FBXL17: variants seen among roughly 807,000 people sequenced by gnomAD.
The protein encoded by FBXL17 is F-box/LRR-repeat protein 17.
FBXL17 carries 22 observed loss-of-function variants against 66.2 expected under a neutral mutation model. The ratio of observed to expected loss-of-function variants is 0.33; its 90% CI spans 0.24 to 0.47. The LOEUF is 0.47. FBXL17 is among the 20% of genes least tolerant of loss of function. FBXL17 has a pLI of 1.00. For missense variants in FBXL17, 878 were observed against 948.2 expected, an observed-to-expected ratio of 0.93 and a Z score of 0.97; for synonymous variants, 474 against 400.5, an observed-to-expected ratio of 1.18 and a Z score of -2.19.
At chr5:108,178,297 C>T (rs1191907240) in intron 6 of FBXL17, among the ~76,000 whole-genome samples, 3 of 152,096 alleles carry the variant, frequency 2.0e-5, no homozygotes. Context: ...GTCCACCCTC[C>T]TTGGCCTCCC....
At chr5:107,915,187 G>A (rs1314038490) in intron 7 of FBXL17, among the ~76,000 whole-genome samples, 1 of 152,062 alleles carries the variant, frequency 6.6e-6, no homozygotes, top group Non-Finnish European at 1.5e-5. Context: ...ATGGAATCTG[G>A]AGAGGGATGT....
At chr5:108,126,749 C>T (rs1338586747) in intron 6 of FBXL17, among the ~76,000 whole-genome samples, 2 of 150,214 alleles carry the variant, frequency 1.3e-5, no homozygotes, top group Non-Finnish European at 3.0e-5. Flanking sequence ...GATGACAAAG[C>T]TCACTGACTT....
At chr5:107,975,385 G>C (rs1752537014) in intron 7 of FBXL17, among the ~76,000 whole-genome samples, 1 of 152,152 alleles carries the variant, frequency 6.6e-6, no homozygotes, top group East Asian at 1.9e-4. Context: ...CTAGGATTAA[G>C]TCCAAGGGCA....
intron 7 of FBXL17, among the ~76,000 whole-genome samples, chr5:107,922,700 A>C (rs1020430948): frequency 6.6e-6 from 1 of 152,326 alleles, no homozygotes; most frequent in East Asian, 1.9e-4. Flanking sequence ...GGAATCCTAA[A>C]GCCCGGCTAC....
chr5:108,207,148 C>T (rs1479129840), intron 5 of FBXL17, among the ~76,000 whole-genome samples: 1 of 152,002 alleles, frequency 6.6e-6, no homozygotes, highest in Non-Finnish European at 1.5e-5. Flanking sequence ...TCTCCCCGAC[C>T]CCCTCAAAAT....
chr5:107,899,029 A>C (rs1299752807), intron 7 of FBXL17, among the ~76,000 whole-genome samples: 1 of 152,162 alleles, frequency 6.6e-6, no homozygotes, highest in Non-Finnish European at 1.5e-5. Flanking sequence ...TAGATCTTTG[A>C]GGAATTGCCA....
At chr5:108,137,757 T>C (rs1449163457) in intron 6 of FBXL17, among the ~76,000 whole-genome samples, 1 of 152,198 alleles carries the variant, frequency 6.6e-6, no homozygotes, top group African/African-American at 2.4e-5. Flanking sequence ...CAGGACCACC[T>C]ACACATTTAT....
At chr5:108,000,281 C>T (rs116170372) in intron 7 of FBXL17, among the ~76,000 whole-genome samples, 1,873 of 152,258 alleles carry the variant, frequency 0.012, 42 homozygotes, top group African/African-American at 0.04. Flanking sequence ...GCTTCTTATA[C>T]GCATACTGCT....
At chr5:108,051,937 T>C (rs1747491254) in intron 6 of FBXL17, among the ~76,000 whole-genome samples, 1 of 151,760 alleles carries the variant, frequency 6.6e-6, no homozygotes, top group African/African-American at 2.4e-5. Context: ...GGTGAAACCC[T>C]GTCTCTTCTA....
chr5:108,147,244 A>C (rs1751596142), intron 6 of FBXL17, among the ~76,000 whole-genome samples: 1 of 152,246 alleles, frequency 6.6e-6, no homozygotes, highest in Non-Finnish European at 1.5e-5. Flanking sequence ...CATAAACTCG[A>C]AGCAGAAAAA....
chr5:108,243,164 G>A (rs1337985961), intron 4 of FBXL17, among the ~76,000 whole-genome samples: 1 of 152,160 alleles, frequency 6.6e-6, no homozygotes, highest in Non-Finnish European at 1.5e-5. Context: ...AAAGTATTGT[G>A]AAAGAGAAAG....
At chr5:108,175,846 A>C (rs1395841467) in intron 6 of FBXL17, among the ~76,000 whole-genome samples, 1 of 152,226 alleles carries the variant, frequency 6.6e-6, no homozygotes, top group Admixed American at 6.5e-5. Flanking sequence ...TTTAGGCTGA[A>C]GCAAAATCCC....
At chr5:108,277,260 T>A (rs966419748) in intron 4 of FBXL17, among the ~76,000 whole-genome samples, 3 of 152,188 alleles carry the variant, frequency 2.0e-5, no homozygotes, top group African/African-American at 7.2e-5. Context: ...GTTCACCATA[T>A]TTCTCCTCCC....
intron 4 of FBXL17, among the ~76,000 whole-genome samples, chr5:108,232,179 T>C (rs1755373087): frequency 6.6e-6 from 1 of 152,210 alleles, no homozygotes. Flanking sequence ...TAATTTTATT[T>C]CCTTTTCCTT....
At chr5:107,945,196 T>A (rs1322737806) in intron 7 of FBXL17, among the ~76,000 whole-genome samples, 1 of 152,182 alleles carries the variant, frequency 6.6e-6, no homozygotes, top group East Asian at 1.9e-4. Context: ...AAATATAAAT[T>A]TAAACCTTAA....
intron 6 of FBXL17, among the ~76,000 whole-genome samples, chr5:108,170,396 T>A (rs145199758): frequency 4.5e-4 from 68 of 152,242 alleles, no homozygotes; most frequent in African/African-American, 1.6e-3. Flanking sequence ...TATTAACTAG[T>A]TTATGGATGT....
intron 4 of FBXL17, among the ~76,000 whole-genome samples, chr5:108,326,197 C>T (rs937275488): frequency 1.3e-5 from 2 of 151,908 alleles, no homozygotes; most frequent in Admixed American, 6.6e-5. Context: ...AAGATACACA[C>T]GTAGAAAAAG....
intron 3 of FBXL17, among the ~76,000 whole-genome samples, chr5:108,358,354 T>C (rs114400218): frequency 4.1e-4 from 63 of 152,274 alleles, no homozygotes; most frequent in African/African-American, 1.5e-3. Context: ...CATCACTCTA[T>C]TCCTAGTTTG....
chr5:107,933,866 G>C (rs2112578988), intron 7 of FBXL17, among the ~76,000 whole-genome samples: 1 of 152,184 alleles, frequency 6.6e-6, no homozygotes, highest in African/African-American at 2.4e-5. Flanking sequence ...GATTGGGGAA[G>C]GGAAGGAAAG....
Sources: gnomAD v4.1 joint callset for allele counts (sites outside exome capture counted in the v4.1 genomes callset) on GRCh38, gnomAD v4.1.1 for gene constraint, MANE v1.5 for transcripts, NCBI Gene and HGNC (gene_info 2026-07-23, HGNC 2026-07-21) for gene names.